Variants in FHIP2A observed in about 807,000 individuals in gnomAD.
FHIP2A encodes the protein FHF complex subunit HOOK interacting protein 2A.
FHIP2A carries 46 observed loss-of-function variants against 93.5 expected under a neutral mutation model. That is an observed-to-expected ratio of 0.49 (90% CI 0.39 to 0.63). FHIP2A has a LOEUF of 0.63. Ranked by LOEUF, FHIP2A falls within the 20% of genes least tolerant of loss-of-function variation. FHIP2A has a pLI of 0.00. For synonymous variants in FHIP2A, 332 were observed against 326.5 expected, an observed-to-expected ratio of 1.02 and a Z score of -0.18; for missense variants, 769 against 909.7, an observed-to-expected ratio of 0.85 and a Z score of 1.99.
At position 114,899,422 on chromosome 10, in the gene FHIP2A, C is replaced by T. The variant is rs374247707; in HGVS notation, c.2193-68C>T. On this transcript the variant is annotated intron_variant, in intron 16 of 16. Transcript: ENST00000369250. ...TTAAGCACATAGTTAGATCCGTATG[C>T]TCAGGCTACATCCTCAGGGATCAGC... 5 of 716,724 alleles carry T rather than the reference C, an allele frequency of 7.0e-6. No homozygotes were observed. In the African/African-American group the frequency reaches 8.8e-5, roughly 13 times the overall value. The allele number at this position is 716,724 out of a possible 1,614,324, so 44.4% of individuals were successfully genotyped here.
chr10:114,864,130 A>G lies in FHIP2A; in HGVS notation c.*2590A>G. On this transcript the variant is annotated 3_prime_UTR_variant, in exon 17 of 17. Coordinates refer to ENST00000369248, the MANE Select transcript of FHIP2A (RefSeq NM_020940.4). ...TGTATATATGTATATATGTATATAT[A>G]TAAGGACCAAAATTCTTAGCTCGCT... 1.0e-6 allele frequency: 1 copy of G among 977,962 alleles called. No homozygotes were observed. The allele number at this position is 977,962 out of a possible 1,614,324, so 60.6% of individuals were successfully genotyped here. A position where few individuals can be genotyped will look rare whatever the true frequency, so the allele number is the denominator to read the frequency against.
At chr10:114,838,186 CTTTG>C (rs537394713) in intron 5 of FHIP2A, among the ~76,000 whole-genome samples, 30 of 152,226 alleles carry the variant, frequency 2.0e-4, no homozygotes, top group Non-Finnish European at 3.8e-4. Context: ...GTTGTTAGGT[CTTTG>C]TTTGTTTTGT....
At position 114,846,278 on chromosome 10, in the gene FHIP2A, G is replaced by A. The variant is rs758317461; in HGVS notation, c.1309G>A (p.Glu437Lys). ...LQEMVFFILG[E>K]QREPETLAEI... Reference sequence around the variant, plus strand: ...AGAAATGGTGTTTTTTATCCTTGGAGAACAGAGGGAACCAGAAACTCTGGC... The same window carrying A: ...AGAAATGGTGTTTTTTATCCTTGGAAAACAGAGGGAACCAGAAACTCTGGC... The change falls in exon 10 of 17, where the codon GAA becomes AAA. Residue 437 changes from glutamate (E) to lysine (K), a missense_variant. Coordinates refer to ENST00000369248, the MANE Select transcript of FHIP2A (RefSeq NM_020940.4). 3.1e-6 allele frequency: 5 copies of A among 1,614,130 alleles called. No individual in the cohort carries two copies. The highest frequency in any genetic ancestry group is 4.5e-5 in the East Asian group (2 of 44,874).
rs1236255254 is a variant in FHIP2A, at chr10:114,889,976, C to A, written c.2193-9514C>A. ...AGCCAACCCCACAGTGACCTTGCCC[C>A]ATCCCTGGAGGCTGTCTGTACTTTA... On this transcript the variant is annotated intron_variant, in intron 16 of 16. Coordinates refer to the FHIP2A transcript ENST00000369250. Among the ~76,000 whole-genome samples, 8 of 152,324 alleles carry A rather than the reference C, an allele frequency of 5.3e-5. No individual in the cohort carries two copies. The East Asian group carries it at 1.5e-3, about 29-fold the overall frequency.
chr10:114,888,275 A>T (rs2143015825), intron 16 of FHIP2A, among the ~76,000 whole-genome samples: 1 of 152,182 alleles, frequency 6.6e-6, no homozygotes, highest in Admixed American at 6.5e-5. Context: ...GGGGCCCCTG[A>T]CTGTTATGAA....
chr10:114,880,399 G>C (rs1222446812), intron 16 of FHIP2A, among the ~76,000 whole-genome samples: 1 of 152,158 alleles, frequency 6.6e-6, no homozygotes, highest in South Asian at 2.1e-4. Flanking sequence ...AACCCTTCAG[G>C]CTGGGTGCAG....
chr10:114,826,364 G>T (rs1228967249), intron 1 of FHIP2A, among the ~76,000 whole-genome samples: 7 of 152,162 alleles, frequency 4.6e-5, no homozygotes, highest in Non-Finnish European at 1.0e-4. Flanking sequence ...TTCTACACTT[G>T]GACAAGTTAC....
rs531292533 is a variant in FHIP2A, at chr10:114,886,377, A to AT, written c.2193-13103dup. Among the ~76,000 whole-genome samples the AT allele has an allele frequency of 7.7e-3, 1,153 of 149,504 alleles. 16 individuals carry two copies. Among genetic ancestry groups the AT allele is most frequent in the African/African-American group, 0.026 (1,056 of 40,840 alleles). ...ACTATTTATTTGGCTATTTTTTTTAATTTTTTTTTTATCTGTAGAGTGCCT... is the reference window on the plus strand; with the variant it reads ...ACTATTTATTTGGCTATTTTTTTTAATTTTTTTTTTTATCTGTAGAGTGCCT... On this transcript the variant is annotated intron_variant, in intron 16 of 16. Coordinates refer to the FHIP2A transcript ENST00000369250.
intron 16 of FHIP2A, among the ~76,000 whole-genome samples, chr10:114,878,392 G>C (rs1022563553): frequency 6.6e-6 from 1 of 152,168 alleles, no homozygotes; most frequent in East Asian, 1.9e-4. Context: ...GAGGATAAGA[G>C]GAGTGGGGGC....
intron 14 of FHIP2A, among the ~76,000 whole-genome samples, chr10:114,860,251 G>T (rs1356977846): frequency 6.6e-6 from 1 of 151,948 alleles, no homozygotes; most frequent in South Asian, 2.1e-4. Context: ...AAAGTTTTAG[G>T]CCTGCAATAT....
At position 114,863,908 on chromosome 10, in the gene FHIP2A, C is replaced by G. The variant is rs1205180778; in HGVS notation, c.*2368C>G. On this transcript the variant is annotated 3_prime_UTR_variant, in exon 17 of 17. Transcript: ENST00000369248. The stretch of plus-strand genomic sequence containing the variant: ...AAATATGCACATTTTTTAAAACTTT[C>G]TAACAATATAGTCTTTGGATTTGTT... The G allele has an allele frequency of 1.8e-6, 2 of 1,087,004 alleles. No homozygotes were observed. Among genetic ancestry groups the G allele is most frequent in the African/African-American group, 3.4e-5 (2 of 58,666 alleles). The allele number at this position is 1,087,004 out of a possible 1,614,324, so 67.3% of individuals were successfully genotyped here.
At position 114,855,281 on chromosome 10, in the gene FHIP2A, T is replaced by C; in HGVS notation, c.1888T>C (p.Phe630Leu). Reference protein sequence around the residue: ...ALEKCNLEAAFFEGHFLKVLF... With the variant: ...ALEKCNLEAALFEGHFLKVLF... ...GGAAAAGTGCAATTTAGAAGCTGCT[T>C]TCTTTGAAGGTCATTTTTTGAAAGT... The change falls in exon 14 of 17, where the codon TTC becomes CTC. Residue 630 changes from phenylalanine (F) to leucine (L), a missense_variant. Transcript: ENST00000369248. 1 of 1,614,070 alleles carries C rather than the reference T, an allele frequency of 6.2e-7. No individual in the cohort carries two copies. The highest frequency in any genetic ancestry group is 8.5e-7 in the Non-Finnish European group (1 of 1,179,938).
At chr10:114,876,497 G>A (rs2083889896) in intron 16 of FHIP2A, among the ~76,000 whole-genome samples, 1 of 152,174 alleles carries the variant, frequency 6.6e-6, no homozygotes. Flanking sequence ...ACAGAGGGTT[G>A]TTGTAAGGAC....
chr10:114,861,461 G>T lies in FHIP2A; in HGVS notation c.2219G>T (p.Gly740Val). The T allele has an allele frequency of 6.2e-7, 1 of 1,614,076 alleles. No homozygotes were observed. The highest frequency in any genetic ancestry group is 1.1e-5 in the South Asian group (1 of 91,082). ...PIIDHITLLE[G>V]VIVLEEFCKE... Reference sequence around the variant, plus strand: ...ATTGACCACATCACACTGCTAGAGGGTGTGATTGTGTTAGAAGAGTTCTGT... The same window carrying T: ...ATTGACCACATCACACTGCTAGAGGTTGTGATTGTGTTAGAAGAGTTCTGT... Residue 740 changes from glycine (G) to valine (V), a missense_variant, in exon 17 of 17, where the codon GGT becomes GTT. Gly to Val is a moderately radical substitution (Grantham distance 109). Coordinates refer to ENST00000369248, the MANE Select transcript of FHIP2A (RefSeq NM_020940.4).
rs2083856293 is a variant in FHIP2A at position 114,870,942 on chromosome 10, A to G, written c.2192+9608A>G. On this transcript the variant is annotated intron_variant, in intron 16 of 16. Coordinates refer to the FHIP2A transcript ENST00000369250. ...AGGGGAACAGGAGGAGAAAGAAGCAACTTCCTTCCTTTGACGTTATTGTTC... is the reference window on the plus strand; with the variant it reads ...AGGGGAACAGGAGGAGAAAGAAGCAGCTTCCTTCCTTTGACGTTATTGTTC... 2.6e-5 allele frequency among the ~76,000 whole-genome samples: 4 copies of G among 151,968 alleles called. No homozygotes were observed. In the South Asian group the frequency reaches 6.2e-4, roughly 24 times the overall value.
chr10:114,866,986 A>C (rs1201903238), downstream of FHIP2A, among the ~76,000 whole-genome samples: 1 of 152,172 alleles, frequency 6.6e-6, no homozygotes, highest in East Asian at 1.9e-4. Context: ...AGGCAGGCAG[A>C]TTACTTGAGG....
At chr10:114,830,739 TCA>T in intron 1 of FHIP2A, 111 bp from the exon 2 acceptor site, 1 of 554,650 alleles carries the variant, frequency 1.8e-6, no homozygotes, top group Non-Finnish European at 3.1e-6. Flanking sequence ...AAAACAAAGT[TCA>T]CCCCTTATTT....
At position 114,825,905 on chromosome 10, in the gene FHIP2A, AAG is replaced by A. The variant is rs1466687767; in HGVS notation, c.45+3785_45+3786del. ...GAGAGGATAAAGGACAGTGTCAGGG[AAG>A]AGTTTTATCATTTTAGCTAATTCCT... On this transcript the variant is annotated intron_variant, in intron 1 of 16. Coordinates refer to ENST00000369248, the MANE Select transcript of FHIP2A (RefSeq NM_020940.4). Among the ~76,000 whole-genome samples, 4 of 152,210 alleles carry A rather than the reference AAG, an allele frequency of 2.6e-5. No homozygotes were observed. In the East Asian group the frequency reaches 7.7e-4, roughly 29 times the overall value.
chr10:114,855,182 C>T lies in FHIP2A; in HGVS notation c.1804-15C>T, dbSNP rs1169723325. ...TTTTTGTTCTTTAATGATTCACATGCTTTTTTCCCCCTAGTTCCGAGACTA... is the reference window on the plus strand; with the variant it reads ...TTTTTGTTCTTTAATGATTCACATGTTTTTTTCCCCCTAGTTCCGAGACTA... On this transcript the variant is annotated splice_polypyrimidine_tract_variant and intron_variant, in intron 13 of 16. Transcript: ENST00000369248. 1 of 1,594,078 alleles carries T rather than the reference C, an allele frequency of 6.3e-7. No homozygotes were observed. The highest frequency in any genetic ancestry group is 1.4e-5 in the African/African-American group (1 of 73,982).
Sources: allele counts gnomAD v4.1 joint callset (sites outside exome capture counted in the v4.1 genomes callset), GRCh38; gene constraint gnomAD v4.1.1; transcripts MANE v1.5; gene names NCBI Gene and HGNC (gene_info 2026-07-23, HGNC 2026-07-21).